PDE6B: variants seen among roughly 807,000 people sequenced by gnomAD.
PDE6B encodes phosphodiesterase 6B.
A neutral mutation model predicts 109.0 loss-of-function variants in PDE6B; 106 were observed. The observed-to-expected ratio is 0.97, with a 90% confidence interval of 0.83 to 1.14. The LOEUF (loss-of-function observed/expected upper bound fraction) is 1.14. Among genes scored for constraint, PDE6B ranks in the 50% most tolerant of loss-of-function variants. PDE6B has a pLI of 0.00. For missense variants in PDE6B, 1,193 were observed against 1,155.6 expected (o/e 1.03, Z -0.47); for synonymous variants, 490 against 471.3 (o/e 1.04, Z -0.51).
At position 648,539 on chromosome 4, in the gene PDE6B, G is replaced by A. The variant is rs972982559; in HGVS notation, c.712-5313G>A. 4.6e-5 allele frequency among the ~76,000 whole-genome samples: 7 copies of A among 152,140 alleles called. No homozygotes were observed. The highest frequency in any genetic ancestry group is 1.2e-4 in the African/African-American group (5 of 41,426). On this transcript the variant is annotated intron_variant, in intron 3 of 21. Coordinates refer to ENST00000496514, the MANE Select transcript of PDE6B (RefSeq NM_000283.4). The surrounding 1 kb of genome is among the most constrained non-coding windows in gnomAD (Gnocchi z 4.5). ...GGGCGCTCCCCCCTCCCTCTGTCCCGGGCCCTCACCTGGACAATCAGGAAC... is the reference window on the plus strand; with the variant it reads ...GGGCGCTCCCCCCTCCCTCTGTCCCAGGCCCTCACCTGGACAATCAGGAAC...
chr4:654,932 G>A (rs1291724600), intron 6 of PDE6B, 44 bp downstream of exon 6: 21 of 1,105,394 alleles, frequency 1.9e-5, no homozygotes, highest in South Asian at 2.5e-5. Flanking sequence ...GGGAGGGACC[G>A]CCCCTCAGAC....
At position 662,383 on chromosome 4, in the gene PDE6B, C is replaced by A; in HGVS notation, c.1723-126C>A. 3.6e-6 allele frequency: 3 copies of A among 823,566 alleles called. No individual in the cohort carries two copies. Among genetic ancestry groups the A allele is most frequent in the Non-Finnish European group, 4.1e-6 (2 of 483,214 alleles). The allele number at this position is 823,566 out of a possible 1,614,324, so 51.0% of individuals were successfully genotyped here. On this transcript the variant is annotated intron_variant, in intron 13 of 21. Transcript: ENST00000496514. The surrounding 1 kb of genome is among the most constrained non-coding windows in gnomAD (Gnocchi z 4.3). ...CAACGCCCTCTGACACCGTGCACCG[C>A]GCACCCCAGCCCTGCGGTGGTCGGA... is the stretch of plus-strand genomic sequence containing the variant.
In PDE6B at chr4:648,436, C is replaced by T. The variant is rs1325709766; in HGVS notation, c.712-5416C>T. ...TGAGCAAAGATTGGCCCCCGCAGTC[C>T]GCCCAACGCCTGCACTTCGTCTGCC... is the stretch of plus-strand genomic sequence containing the variant. On this transcript the variant is annotated intron_variant, in intron 3 of 21. Coordinates refer to ENST00000496514, the MANE Select transcript of PDE6B (RefSeq NM_000283.4). This position sits in a 1 kb window ranked among gnomAD's most constrained non-coding sequence, Gnocchi z 4.5. 3.3e-5 allele frequency among the ~76,000 whole-genome samples: 5 copies of T among 150,530 alleles called. No individual in the cohort carries two copies. Among genetic ancestry groups the T allele is most frequent in the African/African-American group, 1.0e-4 (4 of 39,900 alleles).
intron 3 of PDE6B, among the ~76,000 whole-genome samples, chr4:644,630 G>C (rs1735111440): frequency 6.6e-6 from 1 of 151,668 alleles, no homozygotes; most frequent in South Asian, 2.1e-4. Flanking sequence ...CGTGGATTCA[G>C]GTGATTCTCC....
chr4:628,955 A>G (rs1018499344), intron 1 of PDE6B, among the ~76,000 whole-genome samples: 2 of 152,240 alleles, frequency 1.3e-5, no homozygotes, highest in African/African-American at 2.4e-5. Context: ...CTCAGGACTG[A>G]GCACAACCTT....
intron 10 of PDE6B, among the ~76,000 whole-genome samples, chr4:658,670 A>G (rs1272961302): frequency 6.6e-6 from 1 of 152,260 alleles, no homozygotes; most frequent in East Asian, 1.9e-4. Context: ...CTCCCCAGCC[A>G]GGGGCCTTGC....
intron 11 of PDE6B, among the ~76,000 whole-genome samples, chr4:659,667 T>C (rs1387577808): frequency 6.6e-6 from 1 of 150,380 alleles, no homozygotes; most frequent in Non-Finnish European, 1.5e-5. Context: ...TGCCCACGAG[T>C]ATGTGTGTGC....
At chr4:658,667 G>A (rs1226342012) in intron 10 of PDE6B, among the ~76,000 whole-genome samples, 3 of 152,156 alleles carry the variant, frequency 2.0e-5, no homozygotes, top group East Asian at 3.8e-4. Context: ...AATCTCCCCA[G>A]CCAGGGGCCT....
chr4:650,131 C>T (rs564297003), intron 3 of PDE6B, among the ~76,000 whole-genome samples: 10 of 152,222 alleles, frequency 6.6e-5, no homozygotes, highest in Admixed American at 2.0e-4. Flanking sequence ...ACGCTGGGCA[C>T]GGGCTTGGGG....
chr4:666,971 G>A lies in PDE6B; in HGVS notation c.2352+357G>A, dbSNP rs1737873584. On this transcript the variant is annotated intron_variant, in intron 20 of 21. Transcript: ENST00000496514. This position sits in a 1 kb window ranked among gnomAD's most constrained non-coding sequence, Gnocchi z 5.6. The stretch of plus-strand genomic sequence containing the variant: ...TGGGGGCCTTGGCTGCAGCTCTGTG[G>A]GTTCATTTGTTCCATGTTTGTGAAC... Among the ~76,000 whole-genome samples, 1 of 152,240 alleles carries A rather than the reference G, an allele frequency of 6.6e-6. No homozygotes were observed. Among genetic ancestry groups the A allele is most frequent in the South Asian group, 2.1e-4 (1 of 4,834 alleles).
intron 8 of PDE6B, among the ~76,000 whole-genome samples, chr4:656,595 C>T (rs1164185688): frequency 6.6e-6 from 1 of 151,894 alleles, no homozygotes; most frequent in African/African-American, 2.4e-5. Context: ...CACACCCCTG[C>T]GAGGCCGTGA....
rs373220179 is a variant in PDE6B at position 665,365 on chromosome 4, C to T, written c.2268+36C>T. The stretch of plus-strand genomic sequence containing the variant: ...CTTCTGGAACCTTCCACTCCTGAAA[C>T]GGGTGTTAGAGACCCCTCTTGGTCC... On this transcript the variant is annotated intron_variant, in intron 19 of 21. Coordinates refer to ENST00000496514, the MANE Select transcript of PDE6B (RefSeq NM_000283.4). The surrounding 1 kb of genome is among the most constrained non-coding windows in gnomAD (Gnocchi z 4.0). 5.9e-5 allele frequency: 87 copies of T among 1,476,448 alleles called. No individual in the cohort carries two copies. The highest frequency in any genetic ancestry group is 7.2e-5 in the Non-Finnish European group (76 of 1,056,398). 91.5% of individuals were successfully genotyped at this position (1,476,448 alleles called of 1,614,324 possible).
intron 11 of PDE6B, 96 bp downstream of exon 11, chr4:659,113 A>C (rs1577288766): frequency 1.1e-6 from 1 of 877,284 alleles, no homozygotes; most frequent in East Asian, 2.5e-5. Flanking sequence ...GGTGCTTTGC[A>C]CACACGGTCA....
intron 6 of PDE6B, 26 bp from the exon 7 acceptor site, chr4:655,914 A>G (rs779391168): frequency 2.0e-6 from 3 of 1,524,780 alleles, no homozygotes; most frequent in Non-Finnish European, 2.7e-6. Flanking sequence ...GGCGTGGCCT[A>G]TCTGACCCCT....
At chr4:658,906 C>G in intron 10 of PDE6B, 46 bp from the exon 11 acceptor site, 1 of 1,417,426 alleles carries the variant, frequency 7.1e-7, no homozygotes, top group Non-Finnish European at 1.0e-6. Context: ...TCACCTTGTC[C>G]CACATGCGAA....
At chr4:627,425 C>T (rs1325422721) in intron 1 of PDE6B, among the ~76,000 whole-genome samples, 5 of 152,126 alleles carry the variant, frequency 3.3e-5, no homozygotes, top group Non-Finnish European at 5.9e-5. Flanking sequence ...GGATAACAGG[C>T]GTGAGCCACC....
rs570916822 is a variant in PDE6B, at chr4:654,946, G to C, written c.992+58G>C. ...GGGGAGGGACCGCCCCTCAGACCCC[G>C]GCTCAGCCCCCAGGGCCGTCCTCCC... On this transcript the variant is annotated intron_variant, in intron 6 of 21. Transcript: ENST00000496514. 27 of 997,390 alleles carry C rather than the reference G, an allele frequency of 2.7e-5. 1 individual carries two copies. The highest frequency in any genetic ancestry group is 4.3e-4 in the Middle Eastern group (2 of 4,668). The allele number at this position is 997,390 out of a possible 1,614,324, so 61.8% of individuals were successfully genotyped here. A position where few individuals can be genotyped will look rare whatever the true frequency, so the allele number is the denominator to read the frequency against.
intron 4 of PDE6B, 24 bp downstream of exon 4, chr4:654,016 C>G: frequency 1.2e-6 from 2 of 1,613,654 alleles, no homozygotes; most frequent in Non-Finnish European, 1.7e-6. Context: ...GGCTCAGGGA[C>G]CCCCTGCCTG....
Position 651,051 on chromosome 4 carries a change from C to CA in PDE6B, c.712-2801_712-2800insA, listed in dbSNP as rs1490636377. Among the ~76,000 whole-genome samples the CA allele has an allele frequency of 6.8e-5, 10 of 147,536 alleles. No individual in the cohort carries two copies. The South Asian group carries it at 6.8e-4, about 10-fold the overall frequency. ...GGCAGTGGGGCTGTCACAGGCAGGA[C>CA]GGGCTGAGGCGGCGATGTCAACGGC... On this transcript the variant is annotated intron_variant, in intron 3 of 21. Coordinates refer to ENST00000496514, the MANE Select transcript of PDE6B (RefSeq NM_000283.4).
Sources: gnomAD v4.1 joint callset for allele counts (sites outside exome capture counted in the v4.1 genomes callset) on GRCh38, gnomAD v4.1.1 for gene constraint, Gnocchi (gnomAD v3.1) non-coding constraint, MANE v1.5 for transcripts, NCBI Gene and HGNC (gene_info 2026-07-23, HGNC 2026-07-21) for gene names.